The following FGF14 variants were observed in gnomAD, a reference collection of about 807,000 sequenced individuals.
FGF14 encodes fibroblast growth factor homologous factor 4.
In FGF14, 5 loss-of-function variants were observed where a neutral mutation model predicts 25.5. The observed-to-expected ratio is 0.20, with a 90% CI of 0.10 to 0.41. The LOEUF is 0.41. Ranked by LOEUF, FGF14 falls within the 10% of genes least tolerant of loss-of-function variation. FGF14 has a pLI of 1.00. For synonymous variants in FGF14, 138 were observed against 118.3 expected, an observed-to-expected ratio of 1.17 and a Z score of -1.08; for missense variants, 222 against 320.1, an observed-to-expected ratio of 0.69 and a Z score of 2.34.
At chr13:101,990,673 C>T (rs1387291595) in intron 1 of FGF14, among the ~76,000 whole-genome samples, 4 of 152,054 alleles carry the variant, frequency 2.6e-5, no homozygotes, top group Non-Finnish European at 5.9e-5. Context: ...GCAGCAGGCT[C>T]TCTATGCACA....
chr13:102,019,722 C>A lies in FGF14; in HGVS notation c.209-144426G>T, dbSNP rs1003348179. On this transcript the variant is annotated intron_variant, in intron 1 of 4. Coordinates refer to the FGF14 transcript ENST00000376131. Reference sequence around the variant, plus strand: ...ATCCTGAGACATCTGTAATTAAATTCTCTTCATGTTGTACTTGTACTGAAG... The same window carrying A: ...ATCCTGAGACATCTGTAATTAAATTATCTTCATGTTGTACTTGTACTGAAG... 3.3e-5 allele frequency among the ~76,000 whole-genome samples: 5 copies of A among 152,174 alleles called. 1 individual carries two copies. Among genetic ancestry groups the A allele is most frequent in the Non-Finnish European group, 4.4e-5 (3 of 68,016 alleles).
At chr13:102,108,373 C>T (rs980911450) in intron 1 of FGF14, among the ~76,000 whole-genome samples, 7 of 152,186 alleles carry the variant, frequency 4.6e-5, no homozygotes, top group Non-Finnish European at 7.3e-5. Context: ...GTATTCCTAA[C>T]GCTATACCTG....
intron 1 of FGF14, among the ~76,000 whole-genome samples, chr13:102,125,354 C>G (rs115006448): frequency 6.6e-5 from 10 of 151,980 alleles, no homozygotes; most frequent in African/African-American, 2.4e-4. Flanking sequence ...CATAGAAAAC[C>G]GTAAGAGTCA....
At chr13:102,086,716 C>T (rs896246037) in intron 1 of FGF14, among the ~76,000 whole-genome samples, 2 of 152,068 alleles carry the variant, frequency 1.3e-5, no homozygotes, top group Non-Finnish European at 2.9e-5. Flanking sequence ...TTTTTCTTTC[C>T]TCATATTCTG....
intron 1 of FGF14, among the ~76,000 whole-genome samples, chr13:101,906,914 C>T (rs932652603): frequency 6.6e-6 from 1 of 152,062 alleles, no homozygotes; most frequent in Non-Finnish European, 1.5e-5. Flanking sequence ...TCCATGAAAA[C>T]GTTCCACATA....
intron 3 of FGF14, among the ~76,000 whole-genome samples, chr13:101,786,954 C>T (rs1303113534): frequency 6.6e-6 from 1 of 152,162 alleles, no homozygotes; most frequent in South Asian, 2.1e-4. Context: ...GAGGTCAACA[C>T]TGATGACTCA....
rs188277950 is a variant in FGF14 at position 102,050,039 on chromosome 13, C to T, written c.209-174743G>A. ...CCCTCCTAGCAAACTAATACAATGA[C>T]GTTGTTTCAGCAACATGCTGCTGAG... On this transcript the variant is annotated intron_variant, in intron 1 of 4. Coordinates refer to the FGF14 transcript ENST00000376131. Among the ~76,000 whole-genome samples the T allele has an allele frequency of 2.4e-4, 37 of 152,264 alleles. No homozygotes were observed. In the East Asian group the frequency reaches 6.6e-3, roughly 27 times the overall value.
intron 1 of FGF14, among the ~76,000 whole-genome samples, chr13:101,978,185 G>A (rs952846780): frequency 5.3e-5 from 8 of 152,210 alleles, no homozygotes; most frequent in Non-Finnish European, 1.2e-4. Flanking sequence ...CCTTCCAGAT[G>A]CAGCAAATAT....
chr13:101,880,168 T>C (rs2045623227), intron 1 of FGF14, among the ~76,000 whole-genome samples: 1 of 152,190 alleles, frequency 6.6e-6, no homozygotes, highest in African/African-American at 2.4e-5. Flanking sequence ...TGTACTATTA[T>C]GTGTGTTAAA....
intron 1 of FGF14, among the ~76,000 whole-genome samples, chr13:102,207,169 A>G (rs1427152044): frequency 6.6e-6 from 1 of 151,266 alleles, no homozygotes; most frequent in Admixed American, 6.6e-5. Context: ...AATACCAACT[A>G]CTCCAGAGGC....
At position 101,718,716 on chromosome 13, in the gene FGF14, C is replaced by A. The variant is rs912672714; in HGVS notation, c.*4115G>T. 6.6e-6 allele frequency: 1 copy of A among 151,774 alleles called. No individual in the cohort carries two copies. Among genetic ancestry groups the A allele is most frequent in the Non-Finnish European group, 1.5e-5 (1 of 67,946 alleles). The allele number at this position is 151,774 out of a possible 1,614,324, so 9.4% of individuals were successfully genotyped here. ...ACAGCACTTGGAAAGTACCGCCCTC[C>A]ACTACCTCAAATGCAAACACAATCT... On this transcript the variant is annotated 3_prime_UTR_variant, in exon 5 of 5. Coordinates refer to ENST00000376143, the MANE Select transcript of FGF14 (RefSeq NM_004115.4).
chr13:101,934,826 GGTGA>G (rs1252518642), intron 1 of FGF14, among the ~76,000 whole-genome samples: 4 of 152,028 alleles, frequency 2.6e-5, no homozygotes, highest in Admixed American at 1.3e-4. Context: ...CTGTCTGCCG[GGTGA>G]GTATTTCCAT....
intron 1 of FGF14, among the ~76,000 whole-genome samples, chr13:102,008,290 A>G (rs965432598): frequency 3.9e-5 from 6 of 152,150 alleles, no homozygotes; most frequent in Non-Finnish European, 7.4e-5. Flanking sequence ...ATATTGATCC[A>G]CAGCTACTAA....
At chr13:102,124,484 G>A (rs2045868552) in intron 1 of FGF14, among the ~76,000 whole-genome samples, 1 of 152,092 alleles carries the variant, frequency 6.6e-6, no homozygotes, top group Admixed American at 6.5e-5. Flanking sequence ...AAGAGACAAG[G>A]CCAATTTTCT....
intron 1 of FGF14, among the ~76,000 whole-genome samples, chr13:101,895,324 C>A (rs531919688): frequency 6.6e-6 from 1 of 152,170 alleles, no homozygotes; most frequent in South Asian, 2.1e-4. Context: ...CTTACAAATG[C>A]CTTTAGTCCT....
chr13:101,830,615 C>T (rs763965465), intron 3 of FGF14, among the ~76,000 whole-genome samples: 2 of 152,100 alleles, frequency 1.3e-5, no homozygotes, highest in African/African-American at 2.4e-5. Flanking sequence ...GTCACTTTCT[C>T]TCTCTGTGAC....
intron 1 of FGF14, among the ~76,000 whole-genome samples, chr13:102,078,947 C>T (rs2043491857): frequency 6.6e-6 from 1 of 152,088 alleles, no homozygotes. Flanking sequence ...GTCCTGTGGA[C>T]AATGGGAAGT....
At chr13:101,901,004 A>G (rs1207099389) in intron 1 of FGF14, among the ~76,000 whole-genome samples, 1 of 152,136 alleles carries the variant, frequency 6.6e-6, no homozygotes, top group East Asian at 1.9e-4. Flanking sequence ...GTCTTGCTTG[A>G]GAAATACTGA....
rs143733456 is a variant in FGF14, at chr13:101,913,275, G to A, written c.193+3178C>T. Among the ~76,000 whole-genome samples, 7 of 152,080 alleles carry A rather than the reference G, an allele frequency of 4.6e-5. No individual in the cohort carries two copies. The East Asian group carries it at 1.2e-3, about 25-fold the overall frequency. ...ATTGTGTTTGAAATCTGTGGAGGTC[G>A]GTGGAGGGTAGATGGAGCTGAATCT... On this transcript the variant is annotated intron_variant, in intron 1 of 4. Transcript: ENST00000376143.
Sources: allele counts gnomAD v4.1 joint callset (sites outside exome capture counted in the v4.1 genomes callset), GRCh38; gene constraint gnomAD v4.1.1; transcripts MANE v1.5; gene names NCBI Gene and HGNC (gene_info 2026-07-23, HGNC 2026-07-21).